The following GRM7 variants were observed in gnomAD, a reference collection of about 807,000 sequenced individuals.
GRM7 encodes the protein metabotropic glutamate receptor 7.
Under a neutral mutation model 84.5 loss-of-function variants are expected in GRM7, and 35 were observed. The ratio of observed to expected loss-of-function variants is 0.41; its 90% CI spans 0.32 to 0.55. The LOEUF (loss-of-function observed/expected upper bound fraction) is 0.55. Among genes scored for constraint, GRM7 ranks in the 20% least tolerant of loss-of-function variants. GRM7 has a pLI of 0.19. For missense variants in GRM7, 1,003 were observed against 1,194.6 expected (o/e 0.84, Z 2.36); for synonymous variants, 487 against 455.1 (o/e 1.07, Z -0.89).
chr3:7,450,246 G>C (rs1199952202), intron 5 of GRM7, among the ~76,000 whole-genome samples: 1 of 152,062 alleles, frequency 6.6e-6, no homozygotes, highest in Non-Finnish European at 1.5e-5. Context: ...CCTTTCTCAC[G>C]TACCTGATTG....
intron 1 of GRM7, among the ~76,000 whole-genome samples, chr3:6,981,489 A>G (rs1462170238): frequency 6.6e-6 from 1 of 152,134 alleles, no homozygotes; most frequent in Non-Finnish European, 1.5e-5. Context: ...CCAGAGGCTG[A>G]TGTTGGCATA....
chr3:7,389,569 A>G (rs768602256), intron 4 of GRM7, among the ~76,000 whole-genome samples: 3 of 152,050 alleles, frequency 2.0e-5, no homozygotes, highest in Non-Finnish European at 4.4e-5. Flanking sequence ...TACATTTTGG[A>G]TAGTTAAGTC....
intron 1 of GRM7, among the ~76,000 whole-genome samples, chr3:7,030,786 A>G (rs927651367): frequency 6.6e-6 from 1 of 152,228 alleles, no homozygotes; most frequent in African/African-American, 2.4e-5. Flanking sequence ...ATTATATAGT[A>G]TAACTTGAAA....
intron 1 of GRM7, among the ~76,000 whole-genome samples, chr3:7,065,210 T>C (rs1181918562): frequency 6.6e-6 from 1 of 151,798 alleles, no homozygotes; most frequent in Non-Finnish European, 1.5e-5. Flanking sequence ...ACCAGCTATT[T>C]ATCTTTGTTT....
At chr3:6,880,457 C>A (rs570579078) in intron 1 of GRM7, among the ~76,000 whole-genome samples, 6 of 152,120 alleles carry the variant, frequency 3.9e-5, no homozygotes, top group Non-Finnish European at 7.4e-5. Flanking sequence ...GATGTCCTGG[C>A]GGGCTTTAGA....
chr3:7,183,925 G>A (rs1695428554), intron 2 of GRM7, among the ~76,000 whole-genome samples: 1 of 152,160 alleles, frequency 6.6e-6, no homozygotes, highest in South Asian at 2.1e-4. Context: ...GGGTGCATTA[G>A]GAGTTGAACA....
At chr3:7,581,348 T>C (rs903585077) in intron 8 of GRM7, among the ~76,000 whole-genome samples, 1 of 152,118 alleles carries the variant, frequency 6.6e-6, no homozygotes, top group African/African-American at 2.4e-5. Context: ...ATACCAGAGT[T>C]TTAGAAGGCA....
At chr3:7,532,177 T>C (rs1701062718) in intron 7 of GRM7, among the ~76,000 whole-genome samples, 1 of 152,180 alleles carries the variant, frequency 6.6e-6, no homozygotes, top group South Asian at 2.1e-4. Context: ...TTGTTTGGAA[T>C]AGTTTCAGAA....
intron 9 of GRM7, among the ~76,000 whole-genome samples, chr3:7,725,189 G>C (rs1157162170): frequency 6.6e-6 from 1 of 152,166 alleles, no homozygotes; most frequent in Non-Finnish European, 1.5e-5. Flanking sequence ...GCAACTGGGG[G>C]TTGGCAAGTG....
At chr3:7,322,218 A>G (rs2125054632) in intron 4 of GRM7, among the ~76,000 whole-genome samples, 1 of 152,234 alleles carries the variant, frequency 6.6e-6, no homozygotes, top group East Asian at 1.9e-4. Context: ...TATGCCAGGT[A>G]TACAAAATAC....
intron 1 of GRM7, among the ~76,000 whole-genome samples, chr3:6,935,256 T>A (rs929676395): frequency 6.6e-6 from 1 of 152,172 alleles, no homozygotes; most frequent in African/African-American, 2.4e-5. Flanking sequence ...CTTAAATGTG[T>A]ACTATCCACA....
intron 1 of GRM7, among the ~76,000 whole-genome samples, chr3:6,894,838 C>T (rs902745855): frequency 6.6e-6 from 1 of 152,134 alleles, no homozygotes; most frequent in Non-Finnish European, 1.5e-5. Context: ...TAGAGATGCC[C>T]TGGCTGTATT....
intron 5 of GRM7, among the ~76,000 whole-genome samples, chr3:7,438,050 C>T (rs770888361): frequency 4.3e-4 from 66 of 151,986 alleles, no homozygotes; most frequent in Non-Finnish European, 7.4e-5. Flanking sequence ...TCAGATTACA[C>T]TGAGCCTCGT....
chr3:7,037,917 A>C (rs1212633623), intron 1 of GRM7, among the ~76,000 whole-genome samples: 1 of 152,188 alleles, frequency 6.6e-6, no homozygotes, highest in Admixed American at 6.5e-5. Flanking sequence ...TAAACATGGA[A>C]ATGTATTCTA....
chr3:7,519,416 ATCTG>A (rs35318068), intron 7 of GRM7, among the ~76,000 whole-genome samples: 56,855 of 151,578 alleles, frequency 0.38, 11,638 homozygotes, highest in East Asian at 0.52. Flanking sequence ...CCTGCTGGAA[ATCTG>A]TCTGTTGATC....
At chr3:7,099,274 A>ACAC (rs1559438818) in intron 1 of GRM7, among the ~76,000 whole-genome samples, 1 of 76,022 alleles carries the variant, frequency 1.3e-5, no homozygotes, top group Non-Finnish European at 2.2e-5. Context: ...TGTATATATG[A>ACAC]ATACATGTAT....
chr3:7,567,371 A>G (rs912290078), intron 7 of GRM7, among the ~76,000 whole-genome samples: 3 of 152,210 alleles, frequency 2.0e-5, no homozygotes, highest in African/African-American at 7.2e-5. Flanking sequence ...CAGCAAAGCC[A>G]AACAATGACA....
chr3:7,410,808 A>T (rs185617398), intron 4 of GRM7, among the ~76,000 whole-genome samples: 136 of 152,294 alleles, frequency 8.9e-4, no homozygotes, highest in Admixed American at 2.9e-3. Context: ...TAAGGTATAT[A>T]CCACAACAGG....
intron 8 of GRM7, among the ~76,000 whole-genome samples, chr3:7,588,133 C>A (rs1366796843): frequency 1.3e-5 from 2 of 152,126 alleles, no homozygotes; most frequent in East Asian, 3.9e-4. Context: ...TATCCGTATA[C>A]TAGAAATACT....
Sources: gnomAD v4.1 joint callset for allele counts (sites outside exome capture counted in the v4.1 genomes callset) on GRCh38, gnomAD v4.1.1 for gene constraint, MANE v1.5 for transcripts, NCBI Gene and HGNC (gene_info 2026-07-23, HGNC 2026-07-21) for gene names.